The following VRK2 variants were observed in gnomAD, a reference collection of about 807,000 sequenced individuals.
VRK2 encodes VRK serine/threonine kinase 2.
In VRK2, 60 loss-of-function variants were observed where a neutral mutation model predicts 57.6. That is an observed-to-expected ratio of 1.04 (90% CI 0.85 to 1.29). The LOEUF is 1.29. VRK2 is among the 50% of genes most tolerant of loss of function. The pLI is 0.00. For synonymous variants in VRK2, 231 were observed against 199.2 expected (o/e 1.16, Z -1.35); for missense variants, 705 against 588.1 (o/e 1.20, Z -2.06).
chr2:58,024,177 T>A (rs1427305989), intron 1 of VRK2, among the ~76,000 whole-genome samples: 1 of 151,982 alleles, frequency 6.6e-6, no homozygotes, highest in East Asian at 1.9e-4. Flanking sequence ...ACAAAAAATA[T>A]TTTTGACTCC....
chr2:57,944,966 A>G (rs1469525023), intron 1 of VRK2, among the ~76,000 whole-genome samples: 1 of 152,212 alleles, frequency 6.6e-6, no homozygotes, highest in East Asian at 1.9e-4. Context: ...CTTGTGAATT[A>G]GACTCCGTTG....
intron 7 of VRK2, among the ~76,000 whole-genome samples, chr2:58,102,791 C>T (rs1398867792): frequency 1.3e-5 from 2 of 151,646 alleles, no homozygotes; most frequent in African/African-American, 4.8e-5. Context: ...ACATTTTACT[C>T]ATCATCACAG....
upstream of VRK2, chr2:58,046,497 C>A: frequency 5.1e-6 from 5 of 985,516 alleles, no homozygotes; most frequent in Non-Finnish European, 6.0e-6. Flanking sequence ...CACTCCTACA[C>A]AAATGCATGT....
At chr2:57,983,684 G>A (rs1361159673) in intron 1 of VRK2, among the ~76,000 whole-genome samples, 1 of 152,188 alleles carries the variant, frequency 6.6e-6, no homozygotes, top group South Asian at 2.1e-4. Flanking sequence ...GCCTGCAAGG[G>A]AGAGTGTATA....
chr2:57,959,069 C>T (rs1407122417), intron 1 of VRK2, among the ~76,000 whole-genome samples: 2 of 152,130 alleles, frequency 1.3e-5, no homozygotes, highest in African/African-American at 4.8e-5. Flanking sequence ...GGGGTCGTTG[C>T]CATTCATCCT....
At chr2:58,061,717 A>C (rs1323718646) in intron 2 of VRK2, among the ~76,000 whole-genome samples, 1 of 152,074 alleles carries the variant, frequency 6.6e-6, no homozygotes, top group Non-Finnish European at 1.5e-5. Flanking sequence ...AGAATATAAT[A>C]TAATGAGAAT....
At chr2:57,945,242 G>T (rs1671225021) in intron 1 of VRK2, among the ~76,000 whole-genome samples, 1 of 152,044 alleles carries the variant, frequency 6.6e-6, no homozygotes, top group African/African-American at 2.4e-5. Context: ...ATATGCTCTA[G>T]ATCCTGAATT....
intron 7 of VRK2, among the ~76,000 whole-genome samples, chr2:58,113,887 A>T (rs1415631567): frequency 6.6e-6 from 1 of 152,132 alleles, no homozygotes; most frequent in Admixed American, 6.5e-5. Context: ...TTAATAAGAA[A>T]AATAAAACAA....
chr2:58,156,039 G>C (rs768284267), intron 12 of VRK2, among the ~76,000 whole-genome samples: 2 of 151,852 alleles, frequency 1.3e-5, no homozygotes, highest in Non-Finnish European at 2.9e-5. Flanking sequence ...TCAAGGGAGG[G>C]TCATTTTTAG....
chr2:58,128,172 G>T lies in VRK2; in HGVS notation c.677-3636G>T, dbSNP rs115438289. Among the ~76,000 whole-genome samples the T allele has an allele frequency of 6.9e-3, 1,050 of 152,250 alleles. 17 individuals carry two copies. The highest frequency in any genetic ancestry group is 0.024 in the African/African-American group (984 of 41,534). ...GTCAGTGCTGCAGCTTAGATATCCA[G>T]ATCTTCCACTCATTTATTCCTTGCC... On this transcript the variant is annotated intron_variant, in intron 8 of 12. Coordinates refer to ENST00000340157, the MANE Select transcript of VRK2 (RefSeq NM_006296.7).
intron 1 of VRK2, among the ~76,000 whole-genome samples, chr2:58,016,781 T>C (rs1412232760): frequency 6.6e-6 from 1 of 152,244 alleles, no homozygotes; most frequent in African/African-American, 2.4e-5. Context: ...TAGAGATTTC[T>C]GAAAATTTGC....
At chr2:58,086,778 A>T (rs1300511067) in intron 5 of VRK2, among the ~76,000 whole-genome samples, 1 of 152,196 alleles carries the variant, frequency 6.6e-6, no homozygotes, top group Non-Finnish European at 1.5e-5. Flanking sequence ...CTTCCTGATC[A>T]TGTGGGTCTT....
chr2:58,039,142 A>T (rs1156871834), intron 3 of VRK2, among the ~76,000 whole-genome samples: 11 of 152,156 alleles, frequency 7.2e-5, no homozygotes, highest in Non-Finnish European at 1.5e-5. Flanking sequence ...AAACAATTTT[A>T]AAAGCTATTA....
chr2:57,970,353 T>A (rs1672060002), intron 1 of VRK2, among the ~76,000 whole-genome samples: 1 of 151,314 alleles, frequency 6.6e-6, no homozygotes, highest in South Asian at 2.1e-4. Flanking sequence ...AACAAAGAAG[T>A]AACAAGGTAA....
intron 1 of VRK2, among the ~76,000 whole-genome samples, chr2:57,984,457 G>C (rs994814520): frequency 6.6e-6 from 1 of 152,070 alleles, no homozygotes; most frequent in African/African-American, 2.4e-5. Flanking sequence ...ATTTATCTCT[G>C]GTAAGAGAAG....
intron 2 of VRK2, among the ~76,000 whole-genome samples, chr2:58,064,315 G>A (rs1044171511): frequency 1.3e-5 from 2 of 152,032 alleles, no homozygotes; most frequent in Admixed American, 6.6e-5. Context: ...GTCAATTGAT[G>A]TGGCAAACTT....
At chr2:57,965,984 T>C (rs1671904443) in intron 1 of VRK2, among the ~76,000 whole-genome samples, 2 of 152,206 alleles carry the variant, frequency 1.3e-5, no homozygotes, top group South Asian at 4.1e-4. Context: ...TTTCAAGTTA[T>C]CTCAAGTTAA....
intron 12 of VRK2, among the ~76,000 whole-genome samples, chr2:58,152,230 C>T (rs1451530519): frequency 6.6e-6 from 1 of 151,822 alleles, no homozygotes; most frequent in East Asian, 1.9e-4. Flanking sequence ...ATAGTAACAG[C>T]ACATCTCAAT....
intron 2 of VRK2, among the ~76,000 whole-genome samples, chr2:58,075,161 T>C (rs1381840081): frequency 6.6e-6 from 1 of 152,128 alleles, no homozygotes; most frequent in Admixed American, 6.6e-5. Context: ...TTTCTATTCC[T>C]GTGTTAATTT....
Sources: allele counts gnomAD v4.1 joint callset (sites outside exome capture counted in the v4.1 genomes callset), GRCh38; gene constraint gnomAD v4.1.1; transcripts MANE v1.5; gene names NCBI Gene and HGNC (gene_info 2026-07-23, HGNC 2026-07-21).